PRELID2: variants seen among roughly 807,000 people sequenced by gnomAD.
PRELID2 encodes PRELI domain containing 2.
In PRELID2, 25 loss-of-function variants were observed where a neutral mutation model predicts 28.4. The ratio of observed to expected loss-of-function variants is 0.88; its 90% CI spans 0.64 to 1.23. The LOEUF (loss-of-function observed/expected upper bound fraction) is 1.23, where lower values mean the gene tolerates loss of function less well. PRELID2 is among the 50% of genes most tolerant of loss of function. The pLI, the probability that PRELID2 is intolerant of heterozygous loss-of-function variation, is 0.00. For missense variants in PRELID2, 201 were observed against 214.4 expected (o/e 0.94, Z 0.39); for synonymous variants, 76 against 71.6 (o/e 1.06, Z -0.31).
the PRELID2 span, among the ~76,000 whole-genome samples, chr5:145,391,384 G>A: frequency 6.6e-6 from 1 of 152,232 alleles, no homozygotes; most frequent in Non-Finnish European, 1.5e-5. Flanking sequence ...TGAGCTGTAT[G>A]TTGGCCCCTT....
chr5:145,425,696 G>A, the PRELID2 span, among the ~76,000 whole-genome samples: 1 of 152,122 alleles, frequency 6.6e-6, no homozygotes, highest in Non-Finnish European at 1.5e-5. Flanking sequence ...ATAAGGGGGA[G>A]CTGAATGATG....
At chr5:145,372,588 T>C in the PRELID2 span, among the ~76,000 whole-genome samples, 4 of 152,078 alleles carry the variant, frequency 2.6e-5, no homozygotes, top group Non-Finnish European at 4.4e-5. Context: ...TTGTTCCCTT[T>C]ACCATTGTGT....
intron 1 of PRELID2, among the ~76,000 whole-genome samples, chr5:145,555,133 T>C (rs1485652731): frequency 1.3e-5 from 2 of 152,220 alleles, no homozygotes; most frequent in African/African-American, 4.8e-5. Flanking sequence ...GTCCAGAGTT[T>C]ACAACAGAGA....
the PRELID2 span, among the ~76,000 whole-genome samples, chr5:145,394,299 G>A: frequency 1.3e-5 from 2 of 151,956 alleles, no homozygotes; most frequent in South Asian, 2.1e-4. Flanking sequence ...GGATGAAACT[G>A]GAAACCATCA....
chr5:145,680,360 C>A (rs559539072), intron 1 of PRELID2, among the ~76,000 whole-genome samples: 1 of 152,124 alleles, frequency 6.6e-6, no homozygotes, highest in Non-Finnish European at 1.5e-5. Context: ...CACTGTGCCC[C>A]CTAGGGGCTG....
At chr5:145,252,562 G>A in the PRELID2 span, among the ~76,000 whole-genome samples, 2 of 152,208 alleles carry the variant, frequency 1.3e-5, no homozygotes, top group African/African-American at 4.8e-5. Context: ...ACTAATAAAT[G>A]TTTGTCTTTG....
the PRELID2 span, among the ~76,000 whole-genome samples, chr5:145,344,003 C>T: frequency 7.2e-3 from 1,096 of 151,906 alleles, 4 homozygotes; most frequent in Non-Finnish European, 0.013. Flanking sequence ...AGTAGCAAGA[C>T]TGAATCAGTA....
At chr5:145,316,194 T>C in the PRELID2 span, among the ~76,000 whole-genome samples, 1 of 152,222 alleles carries the variant, frequency 6.6e-6, no homozygotes, top group Non-Finnish European at 1.5e-5. Context: ...GGGTCTTTAT[T>C]GTTTAAACTT....
chr5:145,790,896 T>TATATATATATAC (rs2149809481), intron 5 of PRELID2, among the ~76,000 whole-genome samples: 1 of 148,754 alleles, frequency 6.7e-6, no homozygotes, highest in East Asian at 2.0e-4. Context: ...TCTGGGTATA[T>TATATATATATAC]ATATATATAT....
chr5:145,578,607 T>C (rs1281077173), intron 1 of PRELID2, among the ~76,000 whole-genome samples: 1 of 152,130 alleles, frequency 6.6e-6, no homozygotes, highest in African/African-American at 2.4e-5. Context: ...GAGAATGTCC[T>C]GCTGTTAAAT....
the PRELID2 span, among the ~76,000 whole-genome samples, chr5:145,367,872 T>A: frequency 6.6e-6 from 1 of 151,976 alleles, no homozygotes; most frequent in Non-Finnish European, 1.5e-5. Context: ...CTTGATTGCT[T>A]TATGAATAAA....
At chr5:145,638,586 T>G (rs892799617) in intron 1 of PRELID2, among the ~76,000 whole-genome samples, 3 of 152,118 alleles carry the variant, frequency 2.0e-5, no homozygotes, top group Admixed American at 1.3e-4. Flanking sequence ...GCCTTAACAG[T>G]GTTTGTTGAG....
the PRELID2 span, among the ~76,000 whole-genome samples, chr5:145,300,822 A>T: frequency 1.3e-5 from 2 of 151,344 alleles, no homozygotes; most frequent in Non-Finnish European, 3.0e-5. Flanking sequence ...CCTAGACACA[A>T]AGTTGGTGTA....
chr5:145,629,037 G>A (rs185536996), intron 1 of PRELID2, among the ~76,000 whole-genome samples: 239 of 152,310 alleles, frequency 1.6e-3, no homozygotes, highest in Admixed American at 3.5e-3. Flanking sequence ...CCTGGTCCCA[G>A]AAGAGTAAAA....
intron 1 of PRELID2, among the ~76,000 whole-genome samples, chr5:145,549,802 GA>G (rs34956308): frequency 0.12 from 15,470 of 126,744 alleles, 793 homozygotes; most frequent in Non-Finnish European, 0.13. Context: ...CTCAAAAAAA[GA>G]AAAAAAAAAA....
At chr5:145,415,798 T>G in the PRELID2 span, among the ~76,000 whole-genome samples, 8 of 152,034 alleles carry the variant, frequency 5.3e-5, no homozygotes, top group Non-Finnish European at 1.0e-4. Context: ...ATATACCCAC[T>G]AATGAGATGG....
chr5:145,304,165 G>A, the PRELID2 span, among the ~76,000 whole-genome samples: 1 of 151,964 alleles, frequency 6.6e-6, no homozygotes, highest in Non-Finnish European at 1.5e-5. Context: ...AAACATAATG[G>A]ATAATATATG....
chr5:145,506,561 C>T (rs1752413258), intron 1 of PRELID2, among the ~76,000 whole-genome samples: 1 of 152,092 alleles, frequency 6.6e-6, no homozygotes, highest in Admixed American at 6.6e-5. Flanking sequence ...GTACAAGAGA[C>T]CAAGCTGAAC....
rs1752225280 is a variant in PRELID2 at position 145,487,178 on chromosome 5, A to G, written n.71-13863T>C. Among the ~76,000 whole-genome samples the G allele has an allele frequency of 8.0e-5, 12 of 150,542 alleles. No homozygotes were observed. In the South Asian group the frequency reaches 2.4e-3, roughly 30 times the overall value. On this transcript the variant is annotated intron_variant and non_coding_transcript_variant, in intron 1 of 2. Transcript: ENST00000510259. ...AGTGGGTGCAGCGCACCAGCATGGCACATGTATACATATGTAACTAACCTG... is the reference window on the plus strand; with the variant it reads ...AGTGGGTGCAGCGCACCAGCATGGCGCATGTATACATATGTAACTAACCTG...
Sources: gnomAD v4.1 joint callset for allele counts (sites outside exome capture counted in the v4.1 genomes callset) on GRCh38, gnomAD v4.1.1 for gene constraint, MANE v1.5 for transcripts, NCBI Gene and HGNC (gene_info 2026-07-23, HGNC 2026-07-21) for gene names.